Variants in SORT1 observed in about 807,000 individuals in gnomAD.
SORT1 encodes the protein sortilin.
In SORT1, 39 loss-of-function variants were observed where a neutral mutation model predicts 101.7. That is an observed-to-expected ratio of 0.38 (90% CI 0.30 to 0.50). SORT1 has a LOEUF of 0.50. Ranked by LOEUF, SORT1 falls within the 20% of genes least tolerant of loss-of-function variation. SORT1 has a pLI of 0.90. For synonymous variants in SORT1, 396 were observed against 393.7 expected (o/e 1.01, Z -0.07); for missense variants, 878 against 1,040.4 (o/e 0.84, Z 2.15).
intron 16 of SORT1, among the ~76,000 whole-genome samples, 191 bp downstream of exon 16, chr1:109,317,662 C>G (rs1470692783): frequency 6.6e-6 from 1 of 152,162 alleles, no homozygotes; most frequent in East Asian, 1.9e-4. Flanking sequence ...GTTGAGTCCT[C>G]TGACACCAAG....
At chr1:109,394,971 C>T (rs1557832503) in intron 1 of SORT1, among the ~76,000 whole-genome samples, 2 of 151,962 alleles carry the variant, frequency 1.3e-5, no homozygotes, top group South Asian at 4.2e-4. Context: ...GTTTTATAAA[C>T]GGTCCAAAAA....
At chr1:109,344,669 T>C (rs1305853298) in intron 8 of SORT1, among the ~76,000 whole-genome samples, 1 of 152,190 alleles carries the variant, frequency 6.6e-6, no homozygotes, top group Non-Finnish European at 1.5e-5. Context: ...TTCGCGGCTT[T>C]AATTATTACC....
intron 3 of SORT1, among the ~76,000 whole-genome samples, chr1:109,357,644 A>C (rs1377803977): frequency 6.6e-6 from 1 of 152,136 alleles, no homozygotes; most frequent in Non-Finnish European, 1.5e-5. Context: ...GGCAGAAGAG[A>C]TCAGCTAAGA....
chr1:109,362,569 T>C (rs571167620), intron 3 of SORT1, among the ~76,000 whole-genome samples: 15 of 152,190 alleles, frequency 9.9e-5, no homozygotes, highest in Non-Finnish European at 2.1e-4. Context: ...TGTTGTGTTT[T>C]ATCATTATTG....
At chr1:109,338,254 A>G (rs942891357) in intron 10 of SORT1, among the ~76,000 whole-genome samples, 3 of 152,128 alleles carry the variant, frequency 2.0e-5, no homozygotes, top group East Asian at 3.8e-4. Flanking sequence ...TAATCTGTGC[A>G]TGTGCATGTG....
intron 18 of SORT1, 57 bp downstream of exon 18, chr1:109,314,615 C>T (rs1033287486): frequency 7.9e-7 from 1 of 1,270,390 alleles, no homozygotes; most frequent in Non-Finnish European, 1.1e-6. Context: ...GCCATATGCC[C>T]TAGATCAGCC....
Position 109,333,371 on chromosome 1 carries a change from C to T in SORT1, c.1371+2869G>A, listed in dbSNP as rs187624923. Among the ~76,000 whole-genome samples, 12 of 152,070 alleles carry T rather than the reference C, an allele frequency of 7.9e-5. No homozygotes were observed. The East Asian group carries it at 1.5e-3, about 20-fold the overall frequency. On this transcript the variant is annotated intron_variant, in intron 11 of 19. Coordinates refer to ENST00000256637, the MANE Select transcript of SORT1 (RefSeq NM_002959.7). The stretch of plus-strand genomic sequence containing the variant: ...CATCTGGGCAATGGCTTTTTGGATA[C>T]GACCCTAAAAGCACAGGCAACAAAA...
rs771597194 is a variant in SORT1 at position 109,311,048 on chromosome 1, G to A, written c.*2995C>T. 6.6e-6 allele frequency: 1 copy of A among 152,342 alleles called. No homozygotes were observed. The highest frequency in any genetic ancestry group is 2.4e-5 in the African/African-American group (1 of 41,574). 9.4% of individuals were successfully genotyped at this position (152,342 alleles called of 1,614,324 possible). On this transcript the variant is annotated 3_prime_UTR_variant, in exon 20 of 20. Transcript: ENST00000256637. Reference sequence around the variant, plus strand: ...TTACGGCTGATCTATGGACTCTCCTGAGCCCGCCCCCAGAACTGCCGCAAC... The same window carrying A: ...TTACGGCTGATCTATGGACTCTCCTAAGCCCGCCCCCAGAACTGCCGCAAC...
rs374605802 is a variant in SORT1, at chr1:109,319,588, C to T, written c.2025-1619G>A. Reference sequence around the variant, plus strand: ...CAACTTTGAAAATAAGTGTCTGGGCCGGGCGTGGTGGCTCATGCCTATAAT... The same window carrying T: ...CAACTTTGAAAATAAGTGTCTGGGCTGGGCGTGGTGGCTCATGCCTATAAT... On this transcript the variant is annotated intron_variant, in intron 15 of 19. Transcript: ENST00000256637. Among the ~76,000 whole-genome samples, 25 of 152,192 alleles carry T rather than the reference C, an allele frequency of 1.6e-4. No homozygotes were observed. The East Asian group carries it at 2.3e-3, about 14-fold the overall frequency.
At chr1:109,376,182 T>G (rs1386033905) in intron 1 of SORT1, among the ~76,000 whole-genome samples, 1 of 151,588 alleles carries the variant, frequency 6.6e-6, no homozygotes, top group Non-Finnish European at 1.5e-5. Context: ...TACAAAAAAT[T>G]AGCCGGGCGT....
At chr1:109,327,280 T>C (rs1648140865) in intron 12 of SORT1, 120 bp from the exon 13 acceptor site, 2 of 1,009,376 alleles carry the variant, frequency 2.0e-6, no homozygotes, top group African/African-American at 3.3e-5. Context: ...CCTCTTTTAG[T>C]AGGAAAGAAA....
In SORT1 at chr1:109,322,900, G is replaced by A. The variant is rs72646578; in HGVS notation, c.2024+32C>T. 2.7e-4 allele frequency: 423 copies of A among 1,561,334 alleles called. No homozygotes were observed. The African/African-American group carries it at 5.0e-3, about 18-fold the overall frequency. ...TCTTTCACCTCCTCCAACAGGGAAAGGGAGACAGAGAAATCTGAGGAATGC... is the reference window on the plus strand; with the variant it reads ...TCTTTCACCTCCTCCAACAGGGAAAAGGAGACAGAGAAATCTGAGGAATGC... On this transcript the variant is annotated intron_variant, in intron 15 of 19. Coordinates refer to ENST00000256637, the MANE Select transcript of SORT1 (RefSeq NM_002959.7).
At chr1:109,327,305 C>G (rs922118229) in intron 12 of SORT1, 145 bp from the exon 13 acceptor site, 1 of 843,894 alleles carries the variant, frequency 1.2e-6, no homozygotes, top group Non-Finnish European at 1.8e-6. Flanking sequence ...CCAAAAACTT[C>G]GGAGAAGTTG....
intron 13 of SORT1, among the ~76,000 whole-genome samples, chr1:109,325,415 A>G (rs1390562290): frequency 6.6e-6 from 1 of 151,110 alleles, no homozygotes; most frequent in Admixed American, 6.6e-5. Flanking sequence ...TAATTTTTGT[A>G]TTTTTAGTAG....
At chr1:109,345,708 T>C in intron 8 of SORT1, 43 bp downstream of exon 8, 1 of 1,562,026 alleles carries the variant, frequency 6.4e-7, no homozygotes, top group Non-Finnish European at 8.7e-7. Context: ...CGAGAGATAT[T>C]TGCAGAAATA....
chr1:109,345,496 C>A, intron 8 of SORT1, among the ~76,000 whole-genome samples: 1 of 149,778 alleles, frequency 6.7e-6, no homozygotes. Context: ...GCCTAGGCAA[C>A]AGAGAGAGAC....
At chr1:109,322,706 G>A (rs555748534) in intron 15 of SORT1, among the ~76,000 whole-genome samples, 1 of 151,810 alleles carries the variant, frequency 6.6e-6, no homozygotes, top group Admixed American at 6.6e-5. Context: ...ATTTTTTTTT[G>A]TTTGTTTGTT....
chr1:109,387,580 T>C (rs1272293938), intron 1 of SORT1, among the ~76,000 whole-genome samples: 2 of 152,264 alleles, frequency 1.3e-5, no homozygotes, highest in Non-Finnish European at 2.9e-5. Flanking sequence ...GAAGCTATTA[T>C]AACCAGATGA....
chr1:109,397,091 T>A (rs901106699), intron 1 of SORT1: 5 of 152,132 alleles, frequency 3.3e-5, no homozygotes, highest in African/African-American at 1.2e-4. Flanking sequence ...AATATTGCCA[T>A]CTCATTTCCA....
Sources: allele counts gnomAD v4.1 joint callset (sites outside exome capture counted in the v4.1 genomes callset), GRCh38; gene constraint gnomAD v4.1.1; transcripts MANE v1.5; gene names NCBI Gene and HGNC (gene_info 2026-07-23, HGNC 2026-07-21).